Variants in FRMD4A observed in about 807,000 individuals in gnomAD.
The protein encoded by FRMD4A is FERM domain-containing protein 4A.
Under a neutral mutation model 129.1 loss-of-function variants are expected in FRMD4A, and 29 were observed. The ratio of observed to expected loss-of-function variants is 0.22; its 90% confidence interval spans 0.17 to 0.31. FRMD4A has a LOEUF of 0.31. Among genes scored for constraint, FRMD4A ranks in the 10% least tolerant of loss-of-function variants. FRMD4A has a pLI of 1.00. For missense variants in FRMD4A, 1,272 were observed against 1,375.8 expected, an observed-to-expected ratio of 0.92 and a Z score of 1.19; for synonymous variants, 634 against 571.6, an observed-to-expected ratio of 1.11 and a Z score of -1.56.
chr10:13,892,962 A>G (rs11258711), intron 2 of FRMD4A, among the ~76,000 whole-genome samples: 33,046 of 152,116 alleles, frequency 0.22, 3,738 homozygotes, highest in Middle Eastern at 0.32. Context: ...CATCAATAGA[A>G]AGGGAATTGG....
intron 4 of FRMD4A, among the ~76,000 whole-genome samples, chr10:13,798,174 G>A (rs1040322032): frequency 5.3e-5 from 8 of 151,954 alleles, no homozygotes; most frequent in Admixed American, 5.2e-4. Context: ...ACTTTGGGAG[G>A]CGAAGGCGAG....
chr10:13,865,289 C>A (rs981359958), intron 2 of FRMD4A, among the ~76,000 whole-genome samples: 3 of 152,038 alleles, frequency 2.0e-5, no homozygotes, highest in Non-Finnish European at 4.4e-5. Flanking sequence ...CTCATCATAA[C>A]GTTAGCTGTT....
intron 12 of FRMD4A, among the ~76,000 whole-genome samples, chr10:13,728,841 G>A (rs2090112970): frequency 6.6e-6 from 1 of 151,940 alleles, no homozygotes; most frequent in Non-Finnish European, 1.5e-5. Context: ...CAAAGTGCTG[G>A]GATTACAGGT....
At chr10:14,146,678 A>T (rs1165061204) in intron 2 of FRMD4A, among the ~76,000 whole-genome samples, 1 of 152,172 alleles carries the variant, frequency 6.6e-6, no homozygotes, top group Non-Finnish European at 1.5e-5. Flanking sequence ...TCAACACGGC[A>T]CTAAGTTCCA....
chr10:14,288,711 T>A (rs1387979777), intron 2 of FRMD4A, among the ~76,000 whole-genome samples: 1 of 152,082 alleles, frequency 6.6e-6, no homozygotes, highest in Middle Eastern at 3.2e-3. Context: ...CACAGTGTTA[T>A]ACAGCATATC....
intron 2 of FRMD4A, among the ~76,000 whole-genome samples, chr10:14,111,468 G>T (rs1044472155): frequency 2.0e-5 from 3 of 152,142 alleles, no homozygotes; most frequent in Non-Finnish European, 2.9e-5. Context: ...CAGATGTTTA[G>T]CTCAGGAATT....
chr10:13,986,914 G>C (rs898198161), intron 2 of FRMD4A, among the ~76,000 whole-genome samples: 3 of 151,980 alleles, frequency 2.0e-5, no homozygotes, highest in African/African-American at 7.3e-5. Flanking sequence ...TCGGTCAGTG[G>C]TTCTCATACC....
chr10:14,291,028 A>G (rs895801354), intron 2 of FRMD4A, among the ~76,000 whole-genome samples: 8 of 152,148 alleles, frequency 5.3e-5, no homozygotes, highest in Non-Finnish European at 1.2e-4. Context: ...GAAAAAACCC[A>G]AACTGTGATA....
chr10:14,039,857 C>T (rs577464264), intron 2 of FRMD4A, among the ~76,000 whole-genome samples: 84 of 152,300 alleles, frequency 5.5e-4, no homozygotes, highest in Non-Finnish European at 9.7e-4. Flanking sequence ...GGCTGTGTCA[C>T]GGCCGTGCAT....
chr10:14,172,631 C>T (rs562446976), intron 2 of FRMD4A, among the ~76,000 whole-genome samples: 2 of 152,352 alleles, frequency 1.3e-5, no homozygotes, highest in South Asian at 2.1e-4. Flanking sequence ...GAACAGATTA[C>T]GATGCCATTC....
Position 14,306,111 on chromosome 10 carries a change from C to T in FRMD4A, c.45+23947G>A, listed in dbSNP as rs979388102. Among the ~76,000 whole-genome samples, 6 of 152,158 alleles carry T rather than the reference C, an allele frequency of 3.9e-5. No homozygotes were observed. In the South Asian group the frequency reaches 1.2e-3, roughly 32 times the overall value. On this transcript the variant is annotated intron_variant, in intron 2 of 24. Transcript: ENST00000357447. ...ATATAACAAATAGGCACATCCTGCA[C>T]ATGCACCCCTGAACTTTTAAAATAA...
At chr10:14,179,240 AT>A (rs1335653864) in intron 2 of FRMD4A, among the ~76,000 whole-genome samples, 1 of 152,146 alleles carries the variant, frequency 6.6e-6, no homozygotes, top group Non-Finnish European at 1.5e-5. Context: ...ATTATCTGGG[AT>A]TGCACTGCCT....
At chr10:14,297,717 T>G (rs1045525158) in intron 2 of FRMD4A, among the ~76,000 whole-genome samples, 3 of 152,164 alleles carry the variant, frequency 2.0e-5, no homozygotes, top group African/African-American at 7.2e-5. Flanking sequence ...GCAGAGGACC[T>G]GTAACCTGGC....
At chr10:14,179,281 G>C (rs1160317161) in intron 2 of FRMD4A, among the ~76,000 whole-genome samples, 1 of 152,158 alleles carries the variant, frequency 6.6e-6, no homozygotes, top group Non-Finnish European at 1.5e-5. Flanking sequence ...ATTTATTAAG[G>C]TGAGAAGATT....
chr10:14,166,884 G>T (rs1476904545), intron 2 of FRMD4A, among the ~76,000 whole-genome samples: 1 of 152,196 alleles, frequency 6.6e-6, no homozygotes, highest in Non-Finnish European at 1.5e-5. Flanking sequence ...GCCTATGGGT[G>T]CTCCTTGTTC....
At chr10:14,194,839 T>C (rs1017664776) in intron 2 of FRMD4A, among the ~76,000 whole-genome samples, 3 of 152,006 alleles carry the variant, frequency 2.0e-5, no homozygotes, top group Middle Eastern at 3.2e-3. Context: ...CATTCATTTA[T>C]GTAAAATCAT....
At chr10:13,712,934 G>A (rs1372108570) in intron 12 of FRMD4A, among the ~76,000 whole-genome samples, 1 of 152,272 alleles carries the variant, frequency 6.6e-6, no homozygotes, top group East Asian at 1.9e-4. Flanking sequence ...GGCTGGGGCA[G>A]AGGAAGGGGC....
intron 2 of FRMD4A, among the ~76,000 whole-genome samples, chr10:14,116,259 G>A (rs181991162): frequency 9.2e-5 from 14 of 152,302 alleles, no homozygotes; most frequent in South Asian, 8.3e-4. Flanking sequence ...CTTCAGAAAC[G>A]TGTGTAGCAT....
chr10:14,091,772 C>A (rs529318249), intron 2 of FRMD4A, among the ~76,000 whole-genome samples: 75 of 152,256 alleles, frequency 4.9e-4, no homozygotes, highest in African/African-American at 1.8e-3. Flanking sequence ...TCCCTGTCTG[C>A]CTCAGGGAAA....
Sources: gnomAD v4.1 joint callset for allele counts (sites outside exome capture counted in the v4.1 genomes callset) on GRCh38, gnomAD v4.1.1 for gene constraint, MANE v1.5 for transcripts, NCBI Gene and HGNC (gene_info 2026-07-23, HGNC 2026-07-21) for gene names.